AMACR: variants seen among roughly 807,000 people sequenced by gnomAD.
The protein encoded by AMACR is alpha-methylacyl-CoA racemase.
A neutral mutation model predicts 22.2 loss-of-function variants in AMACR; 18 were observed. The observed-to-expected ratio is 0.81, with a 90% CI of 0.56 to 1.20. AMACR has a LOEUF of 1.20. Ranked by LOEUF, AMACR falls within the 50% of genes most tolerant of loss-of-function variation. The pLI is 0.00. For missense variants in AMACR, 499 were observed against 490.6 expected (o/e 1.02, Z -0.16); for synonymous variants, 213 against 191.3 (o/e 1.11, Z -0.94).
chr5:34,006,162 A>G (rs1428756810), intron 1 of AMACR, among the ~76,000 whole-genome samples: 4 of 152,184 alleles, frequency 2.6e-5, no homozygotes, highest in African/African-American at 9.7e-5. Flanking sequence ...TTCAATCCCC[A>G]GAGCAGGGTC....
At chr5:34,003,223 A>G (rs1579582991) in intron 3 of AMACR, among the ~76,000 whole-genome samples, 1 of 152,302 alleles carries the variant, frequency 6.6e-6, no homozygotes, top group East Asian at 1.9e-4. Flanking sequence ...ACATAGTCTC[A>G]TATGGCTCCC....
intron 4 of AMACR, chr5:33,993,871 C>T: frequency 3.0e-6 from 1 of 334,172 alleles, no homozygotes; most frequent in Non-Finnish European, 6.0e-6. Flanking sequence ...TGCACTCCAG[C>T]CTGGGTGACA....
rs1427109642 is a variant in AMACR, at chr5:34,007,913, C to T, written c.107G>A (p.Arg36Gln). 4 of 1,606,974 alleles carry T rather than the reference C, an allele frequency of 2.5e-6. No individual in the cohort carries two copies. Among genetic ancestry groups the T allele is most frequent in the African/African-American group, 1.3e-5 (1 of 74,874 alleles). The change falls in exon 1 of 5, where the codon CGG becomes CAG. Residue 36 changes from arginine (R) to glutamine (Q), a missense_variant. Transcript: ENST00000335606. ...GCTCACGTCGTAGCGGGAGCCGGGCCGGTCCACGCGTACCACACGCGCCCC... is the reference window on the plus strand; with the variant it reads ...GCTCACGTCGTAGCGGGAGCCGGGCTGGTCCACGCGTACCACACGCGCCCC... ...DFGARVVRVD[R>Q]PGSRYDVSRL...
At chr5:33,997,390 G>A in intron 4 of AMACR, 2 of 777,186 alleles carry the variant, frequency 2.6e-6, no homozygotes, top group Non-Finnish European at 2.4e-6. Flanking sequence ...GCCTCCAACG[G>A]TTACTGCCAC....
At chr5:33,992,357 T>C (rs925073503) in intron 4 of AMACR, among the ~76,000 whole-genome samples, 2 of 150,336 alleles carry the variant, frequency 1.3e-5, no homozygotes, top group Non-Finnish European at 3.0e-5. Flanking sequence ...TATTGTTGTA[T>C]AAAAAGCTAT....
intron 4 of AMACR, chr5:33,994,213 T>C (rs1381891920): frequency 8.5e-6 from 3 of 352,366 alleles, no homozygotes; most frequent in East Asian, 7.8e-5. Context: ...AGAGTCTCGC[T>C]CTGTCACCCA....
chr5:33,989,301 G>T lies in AMACR; in HGVS notation c.941C>A (p.Ser314Ter), dbSNP rs747129541. ...GTCCTGCTCCTCACTGGTGATAAAC[G>T]AGCCCCGTTCCTTGTTGTGATCATG... ...VHHDHNKERG[S>*]FITSEEQDVS... Residue 314 changes from serine (S) to a stop codon, truncating the protein, a stop_gained, in exon 5 of 5, where the codon TCG becomes TAG. Transcript: ENST00000335606. LOFTEE classifies it low-confidence loss of function (END_TRUNC). 4 of 1,613,978 alleles carry T rather than the reference G, an allele frequency of 2.5e-6. No individual in the cohort carries two copies. Among genetic ancestry groups the T allele is most frequent in the Non-Finnish European group, 3.4e-6 (4 of 1,180,012 alleles).
chr5:33,992,839 C>T (rs765864256), intron 4 of AMACR, among the ~76,000 whole-genome samples: 52 of 151,980 alleles, frequency 3.4e-4, no homozygotes, highest in Non-Finnish European at 6.0e-4. Context: ...TTTTAAAATC[C>T]GTATTGCTTT....
In AMACR at chr5:34,008,032, T is replaced by G. The variant is rs1385558027; in HGVS notation, c.-13A>C. 2 of 1,608,750 alleles carry G rather than the reference T, an allele frequency of 1.2e-6. No individual in the cohort carries two copies. Among genetic ancestry groups the G allele is most frequent in the African/African-American group, 2.7e-5 (2 of 74,800 alleles). On this transcript the variant is annotated 5_prime_UTR_variant, in exon 1 of 5. Coordinates refer to ENST00000335606, the MANE Select transcript of AMACR (RefSeq NM_014324.6). Reference sequence around the variant, plus strand: ...CCTGCAGTGCCATGGCGCTTCCCAGTGCCCCGCTGAAGGAAACTGAGCAGC... The same window carrying G: ...CCTGCAGTGCCATGGCGCTTCCCAGGGCCCCGCTGAAGGAAACTGAGCAGC...
At chr5:33,990,794 T>A (rs1213163492) in intron 4 of AMACR, among the ~76,000 whole-genome samples, 2 of 152,238 alleles carry the variant, frequency 1.3e-5, no homozygotes, top group African/African-American at 2.4e-5. Context: ...TACTGAAGCC[T>A]CTTCTTAAGG....
chr5:33,997,740 A>C, intron 4 of AMACR: 1 of 556,608 alleles, frequency 1.8e-6, no homozygotes. Context: ...TAGTTTTTCC[A>C]ACTATATTTG....
chr5:33,992,196 A>G (rs1753501473), intron 4 of AMACR, among the ~76,000 whole-genome samples: 1 of 152,002 alleles, frequency 6.6e-6, no homozygotes, highest in African/African-American at 2.4e-5. Context: ...TTATTTTTAT[A>G]ATACAAAATT....
intron 4 of AMACR, among the ~76,000 whole-genome samples, chr5:33,996,343 C>T (rs1026578001): frequency 6.6e-6 from 1 of 152,094 alleles, no homozygotes; most frequent in Admixed American, 6.5e-5. Context: ...GAGAAGGCAA[C>T]GCACACGTAC....
At chr5:33,997,648 G>A (rs1009754824) in intron 4 of AMACR, 1 of 693,748 alleles carries the variant, frequency 1.4e-6, no homozygotes, top group Admixed American at 2.3e-5. Flanking sequence ...AATTTATTTG[G>A]AGCAGTGACA....
At chr5:33,990,099 G>A (rs1753430195) in intron 4 of AMACR, among the ~76,000 whole-genome samples, 1 of 152,072 alleles carries the variant, frequency 6.6e-6, no homozygotes, top group Admixed American at 6.6e-5. Flanking sequence ...GAGCCCAGGA[G>A]TTCAAGGCCC....
rs542065632 is a variant in AMACR, at chr5:33,988,448, C to G, written c.*645G>C. On this transcript the variant is annotated 3_prime_UTR_variant, in exon 5 of 5. Coordinates refer to ENST00000335606, the MANE Select transcript of AMACR (RefSeq NM_014324.6). Reference sequence around the variant, plus strand: ...CAGGCCCCGAGTTACTGGATACAGGCAACCCTAAAACTGACTGTCCCTCTG... The same window carrying G: ...CAGGCCCCGAGTTACTGGATACAGGGAACCCTAAAACTGACTGTCCCTCTG... The G allele has an allele frequency of 1.3e-6, 2 of 1,532,506 alleles. No individual in the cohort carries two copies. Among genetic ancestry groups the G allele is most frequent in the Non-Finnish European group, 1.7e-6 (2 of 1,144,670 alleles). 94.9% of individuals were successfully genotyped at this position (1,532,506 alleles called of 1,614,324 possible).
In AMACR at chr5:33,988,356, A is replaced by G. The variant is rs1426625981; in HGVS notation, c.*737T>C. ...TTGGGTATAAGATCCAGAACTTGCT[A>G]CCAGCCTGAGGAGAAATCAAACACA... On this transcript the variant is annotated 3_prime_UTR_variant, in exon 5 of 5. Transcript: ENST00000335606. 1 of 1,540,852 alleles carries G rather than the reference A, an allele frequency of 6.5e-7. No individual in the cohort carries two copies. The highest frequency in any genetic ancestry group is 1.2e-5 in the South Asian group (1 of 84,238).
In AMACR at chr5:34,002,423, C is replaced by T. The variant is rs1023258188; in HGVS notation, c.552+2151G>A. On this transcript the variant is annotated intron_variant, in intron 3 of 4. Coordinates refer to ENST00000335606, the MANE Select transcript of AMACR (RefSeq NM_014324.6). ...CTTCAGTAAATTATTCAAATTATTA[C>T]TAGAGAAGTATCTAGGCTCAAATTC... is the stretch of plus-strand genomic sequence containing the variant. Among the ~76,000 whole-genome samples, 67 of 152,208 alleles carry T rather than the reference C, an allele frequency of 4.4e-4. 1 individual carries two copies. The highest frequency in any genetic ancestry group is 1.4e-3 in the African/African-American group (59 of 41,454).
intron 4 of AMACR, among the ~76,000 whole-genome samples, chr5:33,996,638 T>TG (rs11272840): frequency 6.6e-6 from 1 of 151,888 alleles, no homozygotes; most frequent in African/African-American, 2.4e-5. Flanking sequence ...ATAAAAAATT[T>TG]TGCCTATAGT....
Sources: gnomAD v4.1 joint callset for allele counts (sites outside exome capture counted in the v4.1 genomes callset) on GRCh38, gnomAD v4.1.1 for gene constraint, MANE v1.5 for transcripts, NCBI Gene and HGNC (gene_info 2026-07-23, HGNC 2026-07-21) for gene names.